SPATA16: variants seen among roughly 807,000 people sequenced by gnomAD.
SPATA16 encodes spermatogenesis associated 16.
In SPATA16, 36 loss-of-function variants were observed where a neutral mutation model predicts 63.3. That is an observed-to-expected ratio of 0.57 (90% CI 0.44 to 0.75). The LOEUF is 0.75. Ranked by LOEUF, SPATA16 falls within the 30% of genes least tolerant of loss-of-function variation. The probability of loss-of-function intolerance (pLI) is 0.00; values close to 1 mark genes in which losing one functional copy is unlikely to be tolerated. For synonymous variants in SPATA16, 203 were observed against 216.7 expected, an observed-to-expected ratio of 0.94 and a Z score of 0.56; for missense variants, 646 against 679.3, an observed-to-expected ratio of 0.95 and a Z score of 0.54.
chr3:172,926,320 G>A (rs750390034), intron 6 of SPATA16, among the ~76,000 whole-genome samples: 8 of 152,260 alleles, frequency 5.3e-5, no homozygotes, highest in South Asian at 2.1e-4. Flanking sequence ...GAAATAATTC[G>A]TGTCATGAAA....
chr3:173,080,727 G>T (rs1391863881), intron 2 of SPATA16, among the ~76,000 whole-genome samples: 2 of 152,154 alleles, frequency 1.3e-5, no homozygotes, highest in Non-Finnish European at 2.9e-5. Flanking sequence ...AATTCTGAAT[G>T]AATTCCCTGA....
intron 2 of SPATA16, among the ~76,000 whole-genome samples, chr3:173,075,885 C>T (rs1035859616): frequency 6.6e-6 from 1 of 152,070 alleles, no homozygotes; most frequent in African/African-American, 2.4e-5. Context: ...ATTAATAATA[C>T]TTTATTGTAT....
chr3:172,940,237 C>T (rs1008561900), intron 6 of SPATA16, among the ~76,000 whole-genome samples: 3 of 152,300 alleles, frequency 2.0e-5, no homozygotes, highest in Admixed American at 2.0e-4. Context: ...TGTGAAAATT[C>T]CTGATTTGTA....
chr3:172,975,715 T>C (rs1734141265), intron 5 of SPATA16, among the ~76,000 whole-genome samples: 1 of 152,158 alleles, frequency 6.6e-6, no homozygotes, highest in African/African-American at 2.4e-5. Flanking sequence ...ACATTTGTTT[T>C]TTCATTTTAA....
At chr3:172,976,306 AT>A (rs745635118) in intron 5 of SPATA16, among the ~76,000 whole-genome samples, 14 of 152,104 alleles carry the variant, frequency 9.2e-5, no homozygotes, top group Admixed American at 2.6e-4. Context: ...TGAGCTCTTC[AT>A]TTTGGATATA....
chr3:173,034,897 T>A (rs940346055), intron 3 of SPATA16, among the ~76,000 whole-genome samples: 2 of 152,194 alleles, frequency 1.3e-5, no homozygotes, highest in Admixed American at 6.6e-5. Context: ...TGGTTTTTCT[T>A]TGTAATACAC....
At chr3:172,996,417 C>T (rs1734693008) in intron 4 of SPATA16, among the ~76,000 whole-genome samples, 1 of 151,962 alleles carries the variant, frequency 6.6e-6, no homozygotes, top group Non-Finnish European at 1.5e-5. Flanking sequence ...AAGTTTTGCT[C>T]ATTGATTTTG....
intron 2 of SPATA16, among the ~76,000 whole-genome samples, chr3:173,089,198 G>A (rs1011786451): frequency 1.3e-5 from 2 of 152,166 alleles, no homozygotes; most frequent in Non-Finnish European, 2.9e-5. Context: ...TAGAGAATTG[G>A]TTTGGGTCTA....
intron 3 of SPATA16, among the ~76,000 whole-genome samples, chr3:173,023,144 TGTG>T (rs1560099486): frequency 8.6e-5 from 13 of 150,756 alleles, no homozygotes; most frequent in African/African-American, 3.2e-4. Flanking sequence ...TGTATGTGTG[TGTG>T]TGTGTGTGTG....
intron 3 of SPATA16, among the ~76,000 whole-genome samples, chr3:173,045,467 A>G (rs1285008295): frequency 6.6e-6 from 1 of 152,136 alleles, no homozygotes; most frequent in Non-Finnish European, 1.5e-5. Context: ...ATTCAGTACC[A>G]ATAACTGTGT....
chr3:172,964,958 C>T (rs1733880115), intron 5 of SPATA16, among the ~76,000 whole-genome samples: 1 of 152,196 alleles, frequency 6.6e-6, no homozygotes, highest in Non-Finnish European at 1.5e-5. Flanking sequence ...ATTTAGGTTT[C>T]AAGGACTAAC....
At chr3:173,136,176 G>A (rs1738540649) in intron 1 of SPATA16, among the ~76,000 whole-genome samples, 1 of 152,136 alleles carries the variant, frequency 6.6e-6, no homozygotes, top group Non-Finnish European at 1.5e-5. Flanking sequence ...GATGTTAGCG[G>A]CTTGGAAATT....
chr3:172,948,330 T>C (rs1342537534), intron 6 of SPATA16, among the ~76,000 whole-genome samples: 1 of 152,140 alleles, frequency 6.6e-6, no homozygotes, highest in African/African-American at 2.4e-5. Context: ...GCATGACATA[T>C]TTAAAGTGCT....
At chr3:172,983,504 T>C (rs778788549) in intron 4 of SPATA16, among the ~76,000 whole-genome samples, 8 of 152,212 alleles carry the variant, frequency 5.3e-5, no homozygotes, top group Non-Finnish European at 1.0e-4. Context: ...CTTAGAGGTA[T>C]GTGTATGAGA....
chr3:173,137,095 C>G (rs1246030216), intron 1 of SPATA16, among the ~76,000 whole-genome samples: 1 of 152,220 alleles, frequency 6.6e-6, no homozygotes, highest in Non-Finnish European at 1.5e-5. Flanking sequence ...CTGATAAGTT[C>G]TGCTATCAAA....
intron 6 of SPATA16, among the ~76,000 whole-genome samples, chr3:172,927,521 G>T (rs937871935): frequency 6.6e-6 from 1 of 152,110 alleles, no homozygotes; most frequent in Non-Finnish European, 1.5e-5. Context: ...TATTCATCTG[G>T]CGCTTCTTCT....
intron 1 of SPATA16, among the ~76,000 whole-genome samples, chr3:173,125,048 C>A (rs1738191362): frequency 6.6e-6 from 1 of 152,182 alleles, no homozygotes; most frequent in African/African-American, 2.4e-5. Context: ...TCTAATACAT[C>A]TTAACAATAC....
intron 2 of SPATA16, among the ~76,000 whole-genome samples, chr3:173,110,891 T>G (rs191213399): frequency 6.6e-6 from 1 of 152,338 alleles, no homozygotes; most frequent in Non-Finnish European, 1.5e-5. Context: ...CTTCTCAGAG[T>G]TGTCCCTGGA....
intron 6 of SPATA16, among the ~76,000 whole-genome samples, chr3:172,928,248 C>T (rs1400133546): frequency 6.6e-6 from 1 of 152,134 alleles, no homozygotes; most frequent in Non-Finnish European, 1.5e-5. Flanking sequence ...TACAAAATGC[C>T]TCTTTTTAAA....
Sources: allele counts gnomAD v4.1 joint callset (sites outside exome capture counted in the v4.1 genomes callset), GRCh38; gene constraint gnomAD v4.1.1; transcripts MANE v1.5; gene names NCBI Gene and HGNC (gene_info 2026-07-23, HGNC 2026-07-21).